Variants in SERPINA9 observed in about 807,000 individuals in gnomAD.
SERPINA9 encodes the protein serpin A9.
In SERPINA9, 32 loss-of-function variants were observed where a neutral mutation model predicts 24.5. The observed-to-expected ratio is 1.30, with a 90% CI of 0.98 to 1.75. SERPINA9 has a LOEUF of 1.75. Ranked by LOEUF, SERPINA9 falls within the 40% of genes most tolerant of loss-of-function variation. SERPINA9 has a pLI of 0.00. For missense variants in SERPINA9, 594 were observed against 497.1 expected, an observed-to-expected ratio of 1.19 and a Z score of -1.85; for synonymous variants, 233 against 197.7, an observed-to-expected ratio of 1.18 and a Z score of -1.50.
At position 94,469,691 on chromosome 14, in the gene SERPINA9, G is replaced by A. The variant is rs2139812017; in HGVS notation, c.150C>T (p.Asp50=). The A allele has an allele frequency of 6.2e-7, 1 of 1,612,714 alleles. No homozygotes were observed. The highest frequency in any genetic ancestry group is 1.7e-5 in the Admixed American group (1 of 59,980). The stretch of plus-strand genomic sequence containing the variant: ...GCCTGCGGTATAGGCGGAAGGCAAA[G>A]TCGGTGTTGAGGGAATACACCTGTG... ...PASQVYSLNT[D]FAFRLYRRLV... Residue 50 remains aspartate (D), a synonymous_variant, in exon 2 of 5, where the codon GAC becomes GAT. Coordinates refer to ENST00000674397, the MANE Select transcript of SERPINA9 (RefSeq NM_175739.4).
At position 94,464,769 on chromosome 14, in the gene SERPINA9, C is replaced by T; in HGVS notation, c.988G>A (p.Val330Ile). 1 of 1,613,390 alleles carries T rather than the reference C, an allele frequency of 6.2e-7. No homozygotes were observed. Among genetic ancestry groups the T allele is most frequent in the Non-Finnish European group, 8.5e-7 (1 of 1,179,340 alleles). ...GAAAAATCAGCATTTTTGTCAAAGA[C>T]ATTTTGGATGCCCATCTTCGGGAGG... ...TILPKMGIQN[V>I]FDKNADFSGI... The change falls in exon 4 of 5, where the codon GTC becomes ATC. Residue 330 changes from valine (V) to isoleucine (I), a missense_variant. By Grantham distance (29) the Val-to-Ile change is conservative. Transcript: ENST00000674397.
intron 1 of SERPINA9, chr14:94,470,297 G>C: frequency 2.9e-6 from 2 of 697,306 alleles, no homozygotes; most frequent in Non-Finnish European, 1.7e-6. Context: ...GTGTAGATCT[G>C]ATTATTTTCT....
rs911032142 is a variant in SERPINA9, at chr14:94,469,762, G to A, written c.79C>T (p.Pro27Ser). The A allele has an allele frequency of 1.9e-6, 3 of 1,560,810 alleles. No homozygotes were observed. The African/African-American group carries it at 4.1e-5, about 21-fold the overall frequency. Residue 27 changes from proline to serine, a missense_variant, in exon 2 of 5, where the codon CCC (proline) becomes TCC (serine). Physicochemically the swap from Pro to Ser is moderately conservative, Grantham distance 74. Transcript: ENST00000674397. ...GAGGAAGGGCGGGGGTATGCACTGG[G>A]GGCATTGGCCGGGGACACACAGTAG... is the stretch of plus-strand genomic sequence containing the variant. The part of the protein sequence containing the change: ...PIYCVSPANA[P>S]SAYPRPSSTK...
At chr14:94,470,428 C>A (rs1172569849) in intron 1 of SERPINA9, among the ~76,000 whole-genome samples, 1 of 152,244 alleles carries the variant, frequency 6.6e-6, no homozygotes, top group Non-Finnish European at 1.5e-5. Flanking sequence ...GCCCTGAGCA[C>A]TGGCAGTCAG....
intron 4 of SERPINA9, among the ~76,000 whole-genome samples, chr14:94,464,028 T>C (rs1209817745): frequency 2.0e-5 from 3 of 152,192 alleles, no homozygotes; most frequent in Admixed American, 2.0e-4. Flanking sequence ...AACCCATATG[T>C]GTGCAGGGGC....
At chr14:94,473,931 G>A (rs532475721) in intron 1 of SERPINA9, among the ~76,000 whole-genome samples, 2 of 152,382 alleles carry the variant, frequency 1.3e-5, no homozygotes, top group East Asian at 1.9e-4. Flanking sequence ...GAGGAAGGGC[G>A]AGACAACGTC....
At chr14:94,472,809 G>A (rs1181393692) in intron 1 of SERPINA9, among the ~76,000 whole-genome samples, 2 of 152,210 alleles carry the variant, frequency 1.3e-5, no homozygotes, top group Non-Finnish European at 2.9e-5. Context: ...AGGTAAAAGG[G>A]AAAAGCAGAG....
At chr14:94,473,301 C>G (rs577579700) in intron 1 of SERPINA9, among the ~76,000 whole-genome samples, 1 of 152,098 alleles carries the variant, frequency 6.6e-6, no homozygotes, top group Non-Finnish European at 1.5e-5. Context: ...GGTGGATCAC[C>G]TGAGATCAGG....
intron 2 of SERPINA9, 86 bp from the exon 3 acceptor site, chr14:94,467,468 A>C: frequency 7.9e-7 from 1 of 1,264,764 alleles, no homozygotes; most frequent in South Asian, 1.5e-5. Flanking sequence ...AATTACTTCT[A>C]GTGGGTATGA....
chr14:94,471,771 T>C (rs1247500945), intron 1 of SERPINA9, among the ~76,000 whole-genome samples: 6 of 152,150 alleles, frequency 3.9e-5, no homozygotes, highest in Admixed American at 6.5e-5. Context: ...ATTTTACCCA[T>C]GCTGCCATCT....
At chr14:94,470,185 A>G (rs1899244809) in intron 1 of SERPINA9, 1 of 1,059,974 alleles carries the variant, frequency 9.4e-7, no homozygotes, top group Non-Finnish European at 1.1e-6. Context: ...TGCTTCATGG[A>G]CTTATTTTTT....
intron 1 of SERPINA9, among the ~76,000 whole-genome samples, chr14:94,474,549 C>T (rs1427428905): frequency 2.0e-5 from 3 of 152,168 alleles, no homozygotes; most frequent in African/African-American, 7.2e-5. Context: ...GTGGCCAAAG[C>T]TCATTCAGTC....
At chr14:94,473,876 A>G (rs1899444973) in intron 1 of SERPINA9, among the ~76,000 whole-genome samples, 1 of 152,216 alleles carries the variant, frequency 6.6e-6, no homozygotes, top group Non-Finnish European at 1.5e-5. Context: ...GAATTGCTTC[A>G]TCTTCTGAAT....
chr14:94,475,930 C>G (rs144430877), intron 1 of SERPINA9: 3 of 643,528 alleles, frequency 4.7e-6, no homozygotes, highest in African/African-American at 1.8e-5. Flanking sequence ...TTACCTCCAA[C>G]TCACTCACTG....
In SERPINA9 at chr14:94,469,655, C is replaced by T. The variant is rs1340019315; in HGVS notation, c.186G>A (p.Glu62=). ...AFRLYRRLVL[E]TPSQNIFFSP... ...AGAAGAAGATGTTCTGACTCGGGGT[C>T]TCCAAAACCAGCCTGCGGTATAGGC... Residue 62 remains glutamate (E), a synonymous_variant, in exon 2 of 5, where the codon GAG becomes GAA. Coordinates refer to ENST00000674397, the MANE Select transcript of SERPINA9 (RefSeq NM_175739.4). The T allele has an allele frequency of 6.2e-7, 1 of 1,613,916 alleles. No homozygotes were observed. The highest frequency in any genetic ancestry group is 8.5e-7 in the Non-Finnish European group (1 of 1,180,020).
rs773163127 is a variant in SERPINA9 at position 94,469,336 on chromosome 14, AG to A, written c.504del (p.Ser169ProfsTer11). ...CTGTTGATCCTCGCCTGGGCAATGG[AG>A]GGGTTGGAGAAATCTGTAGAAAAGA... The part of the protein sequence containing the change: ...AEVFSTDFSN[P>X]SIAQARINSH... On this transcript the variant is annotated frameshift_variant, in exon 2 of 5. Transcript: ENST00000674397. LOFTEE classifies it high-confidence loss of function. 1.9e-6 allele frequency: 3 copies of A among 1,614,068 alleles called. No homozygotes were observed. The South Asian group carries it at 3.3e-5, about 18-fold the overall frequency.
intron 1 of SERPINA9, among the ~76,000 whole-genome samples, chr14:94,475,341 C>A (rs886418403): frequency 6.6e-6 from 1 of 152,148 alleles, no homozygotes; most frequent in Non-Finnish European, 1.5e-5. Context: ...TTTTCCATGT[C>A]CTTAACCTTT....
chr14:94,472,170 C>A (rs979620000), intron 1 of SERPINA9, among the ~76,000 whole-genome samples: 3 of 152,142 alleles, frequency 2.0e-5, no homozygotes, highest in African/African-American at 7.2e-5. Flanking sequence ...CCACTGCTGG[C>A]CAGTGAATTT....
In SERPINA9 at chr14:94,469,415, C is replaced by T. The variant is rs1470586983; in HGVS notation, c.426G>A (p.Leu142=). The T allele has an allele frequency of 6.2e-7, 1 of 1,613,824 alleles. No homozygotes were observed. The highest frequency in any genetic ancestry group is 1.7e-5 in the Admixed American group (1 of 60,000). The change falls in exon 2 of 5, where the codon CTG becomes CTA. Residue 142 remains leucine (L), a synonymous_variant. Transcript: ENST00000674397. ...TGCCCAAGAAATTTGCCTGCAGCTG[C>T]AGCTCCTTCTTGACGAAGAGGGCAC... ...MGSALFVKKE[L]QLQANFLGNV...
Sources: gnomAD v4.1 joint callset for allele counts (sites outside exome capture counted in the v4.1 genomes callset) on GRCh38, gnomAD v4.1.1 for gene constraint, MANE v1.5 for transcripts, NCBI Gene and HGNC (gene_info 2026-07-23, HGNC 2026-07-21) for gene names.